SLC5A8: variants seen among roughly 807,000 people sequenced by gnomAD.
The protein encoded by SLC5A8 is sodium-coupled monocarboxylate transporter 1.
Under a neutral mutation model 71.9 loss-of-function variants are expected in SLC5A8, and 55 were observed. The observed-to-expected ratio is 0.77, with a 90% CI of 0.62 to 0.96. SLC5A8 has a LOEUF of 0.96. SLC5A8 is among the 40% of genes least tolerant of loss of function. The pLI is 0.00. For synonymous variants in SLC5A8, 307 were observed against 276.1 expected (o/e 1.11, Z -1.11); for missense variants, 701 against 745.3 (o/e 0.94, Z 0.69).
At chr12:101,202,993 G>C (rs892877514) in intron 2 of SLC5A8, among the ~76,000 whole-genome samples, 4 of 152,120 alleles carry the variant, frequency 2.6e-5, no homozygotes, top group African/African-American at 9.7e-5. Flanking sequence ...CCTTCAAATG[G>C]GAGGTGGTAA....
chr12:101,167,490 T>C (rs2051784625), intron 11 of SLC5A8, among the ~76,000 whole-genome samples: 1 of 152,206 alleles, frequency 6.6e-6, no homozygotes, highest in African/African-American at 2.4e-5. Context: ...TTCTTCTGGG[T>C]TTCAGAGAAA....
chr12:101,183,095 G>A (rs1253149464), intron 8 of SLC5A8, among the ~76,000 whole-genome samples, 180 bp from the exon 9 acceptor site: 1 of 130,944 alleles, frequency 7.6e-6, no homozygotes, highest in Non-Finnish European at 1.5e-5. Context: ...GCCCAGGCTG[G>A]AGTGCAATGG....
At chr12:101,195,933 G>A (rs933916169) in intron 3 of SLC5A8, among the ~76,000 whole-genome samples, 3 of 152,062 alleles carry the variant, frequency 2.0e-5, no homozygotes. Context: ...CTGACTTCGT[G>A]ATCCACCTGC....
chr12:101,182,562 C>A (rs1434074372), intron 9 of SLC5A8, among the ~76,000 whole-genome samples: 3 of 152,152 alleles, frequency 2.0e-5, no homozygotes, highest in African/African-American at 7.2e-5. Flanking sequence ...TGGAAATTGT[C>A]CTTTGTGGTT....
At chr12:101,167,539 T>C (rs1417907490) in intron 11 of SLC5A8, among the ~76,000 whole-genome samples, 2 of 152,242 alleles carry the variant, frequency 1.3e-5, no homozygotes, top group Non-Finnish European at 2.9e-5. Flanking sequence ...AAGTTAGCAC[T>C]TCTAAGCACA....
rs1180840044 is a variant in SLC5A8, at chr12:101,209,989, G to C, written c.-141C>G. 1.4e-6 allele frequency: 1 copy of C among 723,654 alleles called. No individual in the cohort carries two copies. Among genetic ancestry groups the C allele is most frequent in the African/African-American group, 1.9e-5 (1 of 52,984 alleles). 44.8% of individuals were successfully genotyped at this position (723,654 alleles called of 1,614,324 possible). ...GGACTGGAGGCGTCCTCCAGGTGTC[G>C]GCCTCCGAACGCACCCCGAGGCGGG... On this transcript the variant is annotated 5_prime_UTR_variant, in exon 1 of 15. Coordinates refer to ENST00000536262, the MANE Select transcript of SLC5A8 (RefSeq NM_145913.5).
chr12:101,184,537 G>A (rs1868537504), intron 7 of SLC5A8, among the ~76,000 whole-genome samples: 3 of 152,076 alleles, frequency 2.0e-5, no homozygotes, highest in African/African-American at 7.2e-5. Flanking sequence ...AGTTAATTTA[G>A]ATAATTTATG....
intron 10 of SLC5A8, among the ~76,000 whole-genome samples, chr12:101,174,831 C>T (rs76201302): frequency 0.031 from 4,672 of 152,220 alleles, 190 homozygotes; most frequent in African/African-American, 0.1. Flanking sequence ...ACGCTACTGA[C>T]GTAGTGTCAG....
intron 10 of SLC5A8, among the ~76,000 whole-genome samples, chr12:101,170,468 A>T (rs931958180): frequency 6.6e-6 from 1 of 152,176 alleles, no homozygotes; most frequent in African/African-American, 2.4e-5. Flanking sequence ...GTACAGGGTG[A>T]GTTCCCTAAG....
chr12:101,165,153 A>T (rs1021881242), intron 12 of SLC5A8, among the ~76,000 whole-genome samples: 15 of 152,192 alleles, frequency 9.9e-5, no homozygotes, highest in African/African-American at 3.6e-4. Context: ...TGGCCAGCAC[A>T]GTGCTGGGTA....
At chr12:101,188,772 AG>A (rs1393069646) in intron 6 of SLC5A8, among the ~76,000 whole-genome samples, 3 of 152,222 alleles carry the variant, frequency 2.0e-5, no homozygotes, top group African/African-American at 7.2e-5. Flanking sequence ...CTAACATTGC[AG>A]TATGTTTTGC....
At chr12:101,207,840 C>A (rs901184876) in intron 1 of SLC5A8, among the ~76,000 whole-genome samples, 1 of 152,124 alleles carries the variant, frequency 6.6e-6, no homozygotes, top group Non-Finnish European at 1.5e-5. Flanking sequence ...GATCCCTTTA[C>A]CCCTGTCCAT....
intron 10 of SLC5A8, among the ~76,000 whole-genome samples, chr12:101,177,565 T>C (rs993658456): frequency 6.6e-6 from 1 of 151,778 alleles, no homozygotes; most frequent in Non-Finnish European, 1.5e-5. Context: ...TTAGCACATA[T>C]AATTCAGCAA....
intron 9 of SLC5A8, among the ~76,000 whole-genome samples, chr12:101,181,093 T>A (rs1055564527): frequency 6.6e-6 from 1 of 152,104 alleles, no homozygotes; most frequent in Non-Finnish European, 1.5e-5. Context: ...AAAAAATGAA[T>A]GGGAAATTTG....
chr12:101,166,627 G>T lies in SLC5A8; in HGVS notation c.1393C>A (p.Pro465Thr). ...WVGIGAQIYPPLPERTLPLHL... is the reference protein window; with the variant it reads ...WVGIGAQIYPTLPERTLPLHL... ...AATGGCAATGTTCTCTCAGGAAGTG[G>T]AGGATATATTTGAGCTCCAATTCCA... Residue 465 changes from proline to threonine, a missense_variant, in exon 12 of 15, where the codon CCA becomes ACA. Physicochemically the swap from Pro to Thr is conservative, Grantham distance 38. Transcript: ENST00000536262. 2.5e-6 allele frequency: 4 copies of T among 1,613,914 alleles called. No homozygotes were observed. The South Asian group carries it at 4.4e-5, about 18-fold the overall frequency.
Position 101,182,934 on chromosome 12 carries a change from C to T in SLC5A8, c.1053-19G>A. On this transcript the variant is annotated intron_variant, in intron 8 of 14. Coordinates refer to ENST00000536262, the MANE Select transcript of SLC5A8 (RefSeq NM_145913.5). ...CACTGTGCTGTAAGGGAAAATAAAA[C>T]TTTTGATTTATAATATTTTACCTTT... 7.4e-7 allele frequency: 1 copy of T among 1,352,778 alleles called. No individual in the cohort carries two copies. The highest frequency in any genetic ancestry group is 9.8e-7 in the Non-Finnish European group (1 of 1,017,896). 83.8% of individuals were successfully genotyped at this position (1,352,778 alleles called of 1,614,324 possible). A position where few individuals can be genotyped will look rare whatever the true frequency, so the allele number is the denominator to read the frequency against.
intron 13 of SLC5A8, among the ~76,000 whole-genome samples, chr12:101,159,957 A>AG (rs2051709029): frequency 6.6e-6 from 1 of 152,196 alleles, no homozygotes; most frequent in African/African-American, 2.4e-5. Context: ...CAAGGTGGGC[A>AG]GATCACCTGA....
intron 11 of SLC5A8, among the ~76,000 whole-genome samples, chr12:101,167,844 G>T (rs747991945): frequency 1.3e-5 from 2 of 152,102 alleles, no homozygotes; most frequent in Non-Finnish European, 2.9e-5. Flanking sequence ...TAAAAATGTT[G>T]CTCCTTTAGT....
chr12:101,164,804 A>G (rs1284442580), intron 12 of SLC5A8, among the ~76,000 whole-genome samples: 1 of 152,102 alleles, frequency 6.6e-6, no homozygotes, highest in Non-Finnish European at 1.5e-5. Context: ...GCATGTTTTA[A>G]TTTATTTTCT....
Sources: allele counts gnomAD v4.1 joint callset (sites outside exome capture counted in the v4.1 genomes callset), GRCh38; gene constraint gnomAD v4.1.1; transcripts MANE v1.5; gene names NCBI Gene and HGNC (gene_info 2026-07-23, HGNC 2026-07-21).